FGF14: variants seen among roughly 807,000 people sequenced by gnomAD.
FGF14 encodes fibroblast growth factor homologous factor 4.
Under a neutral mutation model 25.5 loss-of-function variants are expected in FGF14, and 5 were observed. That is an observed-to-expected ratio of 0.20 (90% CI 0.10 to 0.41). FGF14 has a LOEUF of 0.41. FGF14 is among the 10% of genes least tolerant of loss of function. The pLI, the probability that FGF14 is intolerant of heterozygous loss-of-function variation, is 1.00. For synonymous variants in FGF14, 138 were observed against 118.3 expected, an observed-to-expected ratio of 1.17 and a Z score of -1.08; for missense variants, 222 against 320.1, an observed-to-expected ratio of 0.69 and a Z score of 2.34.
At chr13:101,912,231 C>T (rs2033017546) in intron 1 of FGF14, among the ~76,000 whole-genome samples, 1 of 151,996 alleles carries the variant, frequency 6.6e-6, no homozygotes, top group South Asian at 2.1e-4. Flanking sequence ...CCTCACTTTC[C>T]ATTCCTTATA....
intron 1 of FGF14, among the ~76,000 whole-genome samples, chr13:101,915,749 A>G (rs1009187941): frequency 6.6e-6 from 1 of 152,154 alleles, no homozygotes. Context: ...AAACTGACAC[A>G]TATTAGGGAT....
intron 1 of FGF14, among the ~76,000 whole-genome samples, chr13:101,889,013 G>A (rs543000846): frequency 3.2e-4 from 49 of 152,178 alleles, no homozygotes; most frequent in African/African-American, 1.1e-3. Flanking sequence ...GAGGAGATTA[G>A]GACCTCAGAC....
At chr13:101,986,959 C>T (rs1194053013) in intron 1 of FGF14, among the ~76,000 whole-genome samples, 4 of 151,874 alleles carry the variant, frequency 2.6e-5, no homozygotes, top group African/African-American at 7.3e-5. Flanking sequence ...CACACACACA[C>T]ACACACCAGT....
intron 1 of FGF14, among the ~76,000 whole-genome samples, chr13:102,355,671 T>C (rs907490470): frequency 4.6e-5 from 7 of 151,514 alleles, no homozygotes; most frequent in African/African-American, 1.7e-4. Context: ...TTTGAGTAAC[T>C]CTACTCAAAT....
intron 1 of FGF14, among the ~76,000 whole-genome samples, chr13:102,325,139 A>G (rs2056382886): frequency 6.6e-6 from 1 of 152,114 alleles, no homozygotes. Context: ...ATGGGACCAG[A>G]CTTCTACAAA....
chr13:102,028,403 C>A (rs2041039752), intron 1 of FGF14, among the ~76,000 whole-genome samples: 2 of 151,900 alleles, frequency 1.3e-5, no homozygotes, highest in African/African-American at 4.8e-5. Flanking sequence ...CATCTGTGAC[C>A]CAGAAAGCAG....
chr13:102,044,397 A>C (rs2041886135), intron 1 of FGF14, among the ~76,000 whole-genome samples: 1 of 152,154 alleles, frequency 6.6e-6, no homozygotes. Flanking sequence ...GAACTTTTGG[A>C]AGAGGAACAT....
At chr13:102,335,902 G>A (rs1420438986) in intron 1 of FGF14, among the ~76,000 whole-genome samples, 3 of 152,022 alleles carry the variant, frequency 2.0e-5, no homozygotes, top group Non-Finnish European at 4.4e-5. Flanking sequence ...TTGTTTTGGG[G>A]TGCCCCAAAC....
At chr13:102,144,427 T>A (rs1409418991) in intron 1 of FGF14, among the ~76,000 whole-genome samples, 2 of 152,106 alleles carry the variant, frequency 1.3e-5, no homozygotes, top group African/African-American at 4.8e-5. Context: ...ATGATTTACT[T>A]TATAAATAGC....
At chr13:102,378,142 T>C (rs1389015949) in intron 1 of FGF14, among the ~76,000 whole-genome samples, 1 of 152,158 alleles carries the variant, frequency 6.6e-6, no homozygotes, top group Non-Finnish European at 1.5e-5. Context: ...CATTATATAT[T>C]TGTCTAAACC....
At chr13:101,748,537 C>A (rs976952021) in intron 3 of FGF14, among the ~76,000 whole-genome samples, 1 of 151,294 alleles carries the variant, frequency 6.6e-6, no homozygotes, top group Admixed American at 6.6e-5. Context: ...GTACAACGTA[C>A]ACTAAAAGCC....
chr13:101,863,511 GA>G (rs1165301262), intron 3 of FGF14, among the ~76,000 whole-genome samples: 38 of 152,298 alleles, frequency 2.5e-4, no homozygotes, highest in African/African-American at 8.4e-4. Context: ...GCCAATGTCT[GA>G]GTAAATAGTG....
intron 3 of FGF14, among the ~76,000 whole-genome samples, chr13:101,846,514 CCTCTT>C (rs2043469799): frequency 6.6e-6 from 1 of 151,988 alleles, no homozygotes; most frequent in African/African-American, 2.4e-5. Context: ...TAAATGTTCC[CCTCTT>C]CTCTGTTGAA....
At chr13:101,724,214 C>A (rs576810444) in intron 4 of FGF14, among the ~76,000 whole-genome samples, 1 of 152,082 alleles carries the variant, frequency 6.6e-6, no homozygotes, top group Non-Finnish European at 1.5e-5. Context: ...TATCGTCCAA[C>A]AATGATAGAC....
chr13:101,837,919 C>T (rs955352427), intron 3 of FGF14, among the ~76,000 whole-genome samples: 5 of 151,880 alleles, frequency 3.3e-5, no homozygotes, highest in African/African-American at 1.2e-4. Context: ...AATCAGTGGC[C>T]AGTGCAGCCA....
At chr13:101,961,812 C>T (rs2036877292) in intron 1 of FGF14, among the ~76,000 whole-genome samples, 1 of 152,160 alleles carries the variant, frequency 6.6e-6, no homozygotes, top group Non-Finnish European at 1.5e-5. Flanking sequence ...TTTCCTGAGG[C>T]CTCCCCAGTC....
intron 1 of FGF14, among the ~76,000 whole-genome samples, chr13:102,118,915 C>A (rs985355442): frequency 6.6e-6 from 1 of 152,116 alleles, no homozygotes; most frequent in Non-Finnish European, 1.5e-5. Context: ...ATGATTATGC[C>A]TTTACCTTTA....
At chr13:101,976,697 A>C (rs2037947412) in intron 1 of FGF14, among the ~76,000 whole-genome samples, 1 of 152,168 alleles carries the variant, frequency 6.6e-6, no homozygotes, top group African/African-American at 2.4e-5. Context: ...TTCCTCACTG[A>C]TTTTTCATTC....
chr13:101,835,702 C>G (rs944034502), intron 3 of FGF14, among the ~76,000 whole-genome samples: 2 of 151,964 alleles, frequency 1.3e-5, no homozygotes, highest in Non-Finnish European at 2.9e-5. Flanking sequence ...AGTGGAGACA[C>G]TGGCAAGATG....
Sources: gnomAD v4.1 joint callset for allele counts (sites outside exome capture counted in the v4.1 genomes callset) on GRCh38, gnomAD v4.1.1 for gene constraint, MANE v1.5 for transcripts, NCBI Gene and HGNC (gene_info 2026-07-23, HGNC 2026-07-21) for gene names.